The following GRM6 variants were observed in gnomAD, a reference collection of about 807,000 sequenced individuals.
GRM6 encodes glutamate metabotropic receptor 6, also known as metabotropic glutamate receptor 6.
GRM6 carries 73 observed loss-of-function variants against 78.4 expected under a neutral mutation model. The ratio of observed to expected loss-of-function variants is 0.93; its 90% confidence interval spans 0.77 to 1.13. The LOEUF (loss-of-function observed/expected upper bound fraction) is 1.13, where lower values mean the gene tolerates loss of function less well. GRM6 is among the 50% of genes most tolerant of loss of function. The probability of loss-of-function intolerance (pLI) is 0.00; values close to 1 mark genes in which losing one functional copy is unlikely to be tolerated. For missense variants in GRM6, 1,251 were observed against 1,256.4 expected, an observed-to-expected ratio of 1.00 and a Z score of 0.07; for synonymous variants, 580 against 555.0, an observed-to-expected ratio of 1.05 and a Z score of -0.63.
chr5:178,986,515 C>T lies in GRM6; in HGVS notation c.1739G>A (p.Ser580Asn). 4 of 1,608,842 alleles carry T rather than the reference C, an allele frequency of 2.5e-6. No homozygotes were observed. The highest frequency in any genetic ancestry group is 3.4e-6 in the Non-Finnish European group (4 of 1,178,658). ...CGGGGCTGCCCAGGGGGAGGACCAGCTCAGGCGCACCACAGGTGTGGGGCG... is the reference window on the plus strand; with the variant it reads ...CGGGGCTGCCCAGGGGGAGGACCAGTTCAGGCGCACCACAGGTGTGGGGCG... ...GCRPTPVVRLSWSSPWAAPPL... is the reference protein window; with the variant it reads ...GCRPTPVVRLNWSSPWAAPPL... The change falls in exon 9 of 11, where the codon AGC (serine) becomes AAC (asparagine). Residue 580 changes from serine to asparagine, a missense_variant. Transcript: ENST00000517717.
chr5:178,991,294 G>A lies in GRM6; in HGVS notation c.857+130C>T. On this transcript the variant is annotated intron_variant, in intron 4 of 10. Transcript: ENST00000517717. This position sits in a 1 kb window ranked among gnomAD's most constrained non-coding sequence, Gnocchi z 5.0. ...GGCACCAGACTCAGAGGCAGCAGCAGGGAAGGTGGGGGGTGCGGGGAGCAG... is the reference window on the plus strand; with the variant it reads ...GGCACCAGACTCAGAGGCAGCAGCAAGGAAGGTGGGGGGTGCGGGGAGCAG... 1 of 898,352 alleles carries A rather than the reference G, an allele frequency of 1.1e-6. No individual in the cohort carries two copies. Among genetic ancestry groups the A allele is most frequent in the Non-Finnish European group, 1.8e-6 (1 of 554,480 alleles). The allele number at this position is 898,352 out of a possible 1,614,324, so 55.6% of individuals were successfully genotyped here. A position where few individuals can be genotyped will look rare whatever the true frequency, so the allele number is the denominator to read the frequency against.
rs537064364 is a variant in GRM6 at position 178,994,196 on chromosome 5, G to A, written c.504+245C>T. Among the ~76,000 whole-genome samples the A allele has an allele frequency of 2.5e-3, 387 of 152,372 alleles. 1 individual carries two copies. The highest frequency in any genetic ancestry group is 9.0e-3 in the African/African-American group (375 of 41,592). ...CCCCAGCCAACCGGCCAGAGGCGTAGGTGGCACCCGCCCGGGAAGGGGCGC... is the reference window on the plus strand; with the variant it reads ...CCCCAGCCAACCGGCCAGAGGCGTAAGTGGCACCCGCCCGGGAAGGGGCGC... On this transcript the variant is annotated intron_variant, in intron 2 of 10. Coordinates refer to ENST00000517717, the MANE Select transcript of GRM6 (RefSeq NM_000843.4).
rs1485937642 is a variant in GRM6 at position 178,979,578 on chromosome 5, G to A, written c.*2079C>T. The stretch of plus-strand genomic sequence containing the variant: ...TGTGAAAGTCGTCTGCGGGAAGCCA[G>A]GACTCTATGCCAGAAACTTCACACT... On this transcript the variant is annotated 3_prime_UTR_variant, in exon 11 of 11. Transcript: ENST00000517717. 6.6e-6 allele frequency: 1 copy of A among 152,188 alleles called. No homozygotes were observed. Among genetic ancestry groups the A allele is most frequent in the African/African-American group, 2.4e-5 (1 of 41,448 alleles). The allele number at this position is 152,188 out of a possible 1,614,324, so 9.4% of individuals were successfully genotyped here.
rs1554114290 is a variant in GRM6, at chr5:178,992,400, C to CT, written c.505-318_505-317insA. On this transcript the variant is annotated intron_variant, in intron 2 of 10. Coordinates refer to ENST00000517717, the MANE Select transcript of GRM6 (RefSeq NM_000843.4). This position sits in a 1 kb window ranked among gnomAD's most constrained non-coding sequence, Gnocchi z 4.9. ...AAGCTGTGTCCTGAACAAGGACCCC[C>CT]AGCAGAGGGCCTGCAGCCCATCCAG... 2 of 485,742 alleles carry CT rather than the reference C, an allele frequency of 4.1e-6. No homozygotes were observed. Among genetic ancestry groups the CT allele is most frequent in the Non-Finnish European group, 8.1e-6 (2 of 248,010 alleles). 30.1% of individuals were successfully genotyped at this position (485,742 alleles called of 1,614,324 possible).
Position 178,994,695 on chromosome 5 carries a change from CG to C in GRM6, c.249del (p.Glu84SerfsTer27), listed in dbSNP as rs1291641161. ...LYALDRVNAD[P>X]ELLPGVRLGA... Reference sequence around the variant, plus strand: ...CCCAGGCGCACGCCGGGCAGCAGCTCGGGGTCGGCGTTGACGCGGTCCAGCG... The same window carrying C: ...CCCAGGCGCACGCCGGGCAGCAGCTCGGGTCGGCGTTGACGCGGTCCAGCG... On this transcript the variant is annotated frameshift_variant, in exon 2 of 11. Transcript: ENST00000517717. LOFTEE classifies it high-confidence loss of function. The C allele has an allele frequency of 6.8e-7, 1 of 1,469,054 alleles. No individual in the cohort carries two copies. 91.0% of individuals were successfully genotyped at this position (1,469,054 alleles called of 1,614,324 possible). A position where few individuals can be genotyped will look rare whatever the true frequency, so the allele number is the denominator to read the frequency against.
rs763724840 is a variant in GRM6 at position 178,982,915 on chromosome 5, C to T, written c.2431G>A (p.Glu811Lys). The change falls in exon 10 of 11, where the codon GAA becomes AAA. Residue 811 changes from glutamate to lysine, a missense_variant. Coordinates refer to ENST00000517717, the MANE Select transcript of GRM6 (RefSeq NM_000843.4). ...PIFFGTAQSA[E>K]KIYIQTTTLT... ...CCTCCTGGGGACCTCATTACCTTTT[C>T]AGCTGACTGGGCAGTGCCAAAGAAG... 1 of 1,613,202 alleles carries T rather than the reference C, an allele frequency of 6.2e-7. No individual in the cohort carries two copies. The highest frequency in any genetic ancestry group is 8.5e-7 in the Non-Finnish European group (1 of 1,179,146).
At chr5:178,985,441 C>G (rs535796620) in intron 9 of GRM6, among the ~76,000 whole-genome samples, 1 of 151,634 alleles carries the variant, frequency 6.6e-6, no homozygotes, top group Admixed American at 6.6e-5. Context: ...CAGCGGCTCC[C>G]GCCTGTCATC....
In GRM6 at chr5:178,989,097, C is replaced by CAA; in HGVS notation, c.1191_1192insTT (p.Glu398LeufsTer8). On this transcript the variant is annotated frameshift_variant, in exon 7 of 11. Transcript: ENST00000517717. LOFTEE classifies it high-confidence loss of function. ...TCAATCACAAACTGCACCTTGCCCT[C>CAA]CTGCTCGTAGGTGGAGTCCCGGCCG... is the stretch of plus-strand genomic sequence containing the variant. 1 of 1,614,000 alleles carries CAA rather than the reference C, an allele frequency of 6.2e-7. No homozygotes were observed. The highest frequency in any genetic ancestry group is 1.1e-5 in the South Asian group (1 of 91,074).
Position 178,980,806 on chromosome 5 carries a change from G to A in GRM6, c.*851C>T, listed in dbSNP as rs1390493764. On this transcript the variant is annotated 3_prime_UTR_variant, in exon 11 of 11. Coordinates refer to ENST00000517717, the MANE Select transcript of GRM6 (RefSeq NM_000843.4). The surrounding 1 kb of genome is among the most constrained non-coding windows in gnomAD (Gnocchi z 4.3). ...CCACCATCACACCTGGCTAATTTTT[G>A]TATTTTTAGTAGAGACAGGGTTTCA... 1 of 152,204 alleles carries A rather than the reference G, an allele frequency of 6.6e-6. No homozygotes were observed. The highest frequency in any genetic ancestry group is 1.5e-5 in the Non-Finnish European group (1 of 68,082). The allele number at this position is 152,204 out of a possible 1,614,324, so 9.4% of individuals were successfully genotyped here.
In GRM6 at chr5:178,980,233, CTGATCTTA is replaced by C. The variant is rs1188844302; in HGVS notation, c.*1416_*1423del. Reference sequence around the variant, plus strand: ...GACATCACAGACTAGAGAATGTATACTGATCTTAAACAGTGGTCAATTTAACAAATGTA... The same window carrying C: ...GACATCACAGACTAGAGAATGTATACAACAGTGGTCAATTTAACAAATGTA... On this transcript the variant is annotated 3_prime_UTR_variant, in exon 11 of 11. Coordinates refer to ENST00000517717, the MANE Select transcript of GRM6 (RefSeq NM_000843.4). This position sits in a 1 kb window ranked among gnomAD's most constrained non-coding sequence, Gnocchi z 4.3. 1.3e-5 allele frequency: 2 copies of C among 154,118 alleles called. No individual in the cohort carries two copies. Among genetic ancestry groups the C allele is most frequent in the African/African-American group, 4.8e-5 (2 of 41,510 alleles). The allele number at this position is 154,118 out of a possible 1,614,324, so 9.5% of individuals were successfully genotyped here.
At position 178,983,023 on chromosome 5, in the gene GRM6, C is replaced by T. The variant is rs760164627; in HGVS notation, c.2323G>A (p.Val775Met). Residue 775 changes from valine (V) to methionine (M), a missense_variant, in exon 10 of 11, where the codon GTG becomes ATG. By Grantham distance (21) the Val-to-Met change is conservative. Coordinates refer to ENST00000517717, the MANE Select transcript of GRM6 (RefSeq NM_000843.4). ...CTVYAIKARG[V>M]PETFNEAKPI... ...TTGGCCTCGTTGAAGGTCTCGGGCACGCCACGGGCCTTGATGGCGTACACT... is the reference window on the plus strand; with the variant it reads ...TTGGCCTCGTTGAAGGTCTCGGGCATGCCACGGGCCTTGATGGCGTACACT... The T allele has an allele frequency of 5.6e-5, 90 of 1,613,996 alleles. No individual in the cohort carries two copies. Among genetic ancestry groups the T allele is most frequent in the Non-Finnish European group, 6.8e-5 (80 of 1,179,986 alleles).
At chr5:178,995,026 G>T (rs1760748937) in intron 1 of GRM6, 66 bp from the exon 2 acceptor site, 1 of 924,778 alleles carries the variant, frequency 1.1e-6, no homozygotes, top group Non-Finnish European at 1.3e-6. Context: ...GGCTCGGGGC[G>T]CGGGGAGGGA....
chr5:178,986,588 C>T lies in GRM6; in HGVS notation c.1666G>A (p.Glu556Lys), dbSNP rs140015974. 7.5e-6 allele frequency: 12 copies of T among 1,606,030 alleles called. No individual in the cohort carries two copies. The highest frequency in any genetic ancestry group is 3.3e-5 in the South Asian group (3 of 91,090). Residue 556 changes from glutamate to lysine, a missense_variant, in exon 9 of 11, where the codon GAG becomes AAG. Glu to Lys is a moderately conservative substitution (Grantham distance 56). Coordinates refer to ENST00000517717, the MANE Select transcript of GRM6 (RefSeq NM_000843.4). ...GGCCTCATGTCCCCAGGACAGGCCT[C>T]GCATGTGAACTCGTCCACCTGGAAG... is the stretch of plus-strand genomic sequence containing the variant. ...YRFQVDEFTC[E>K]ACPGDMRPTP...
chr5:178,987,383 A>G (rs1216781306), intron 7 of GRM6: 1 of 464,208 alleles, frequency 2.2e-6, no homozygotes. Flanking sequence ...AGCGTTATTC[A>G]CATAGCCACA....
chr5:178,991,621 C>A lies in GRM6; in HGVS notation c.722-62G>T, dbSNP rs760348536. ...ACCCACCCACACACCCACCTGGCCACCGCTGCAGAGGACTGTGTAGGCTGG... is the reference window on the plus strand; with the variant it reads ...ACCCACCCACACACCCACCTGGCCAACGCTGCAGAGGACTGTGTAGGCTGG... On this transcript the variant is annotated intron_variant, in intron 3 of 10. Coordinates refer to ENST00000517717, the MANE Select transcript of GRM6 (RefSeq NM_000843.4). The surrounding 1 kb of genome is among the most constrained non-coding windows in gnomAD (Gnocchi z 5.0). 8.9e-6 allele frequency: 14 copies of A among 1,578,420 alleles called. No homozygotes were observed. The Admixed American group carries it at 1.0e-4, about 11-fold the overall frequency.
intron 4 of GRM6, 119 bp from the exon 5 acceptor site, chr5:178,990,865 T>G (rs1398800895): frequency 1.1e-6 from 1 of 921,752 alleles, no homozygotes; most frequent in African/African-American, 1.7e-5. Context: ...TCCTTGTTTC[T>G]CAGGAAAAAC....
At chr5:178,983,452 G>A (rs759776713) in intron 9 of GRM6, 10 of 694,030 alleles carry the variant, frequency 1.4e-5, no homozygotes, top group South Asian at 7.5e-5. Flanking sequence ...TGGCAGCTGC[G>A]GAGAAGGGCT....
chr5:178,981,565 G>T lies in GRM6; in HGVS notation c.*92C>A. The T allele has an allele frequency of 2.0e-6, 2 of 998,612 alleles. No homozygotes were observed. Among genetic ancestry groups the T allele is most frequent in the Admixed American group, 2.0e-5 (1 of 50,290 alleles). 61.9% of individuals were successfully genotyped at this position (998,612 alleles called of 1,614,324 possible). On this transcript the variant is annotated 3_prime_UTR_variant, in exon 11 of 11. Transcript: ENST00000517717. This position sits in a 1 kb window ranked among gnomAD's most constrained non-coding sequence, Gnocchi z 5.1. ...CTTGGCAAACTCCCTGCCACTGACT[G>T]TTCACCGTGGACCCGGGCTCTATAC... is the stretch of plus-strand genomic sequence containing the variant.
Position 178,990,630 on chromosome 5 carries a change from C to T in GRM6, c.974G>A (p.Gly325Glu). ...PILSLEDVAV[G>E]AITILPKRAS... The stretch of plus-strand genomic sequence containing the variant: ...CCTTTTGGGCAGGATGGTGATGGCC[C>T]CAACGGCCACGTCCTCCAGGCTCAA... The change falls in exon 5 of 11, where the codon GGG becomes GAG. Residue 325 changes from glycine to glutamate, a missense_variant. Transcript: ENST00000517717. The T allele has an allele frequency of 6.2e-7, 1 of 1,612,856 alleles. No individual in the cohort carries two copies. The highest frequency in any genetic ancestry group is 8.5e-7 in the Non-Finnish European group (1 of 1,179,752).
Sources: gnomAD v4.1 joint callset for allele counts (sites outside exome capture counted in the v4.1 genomes callset) on GRCh38, gnomAD v4.1.1 for gene constraint, Gnocchi (gnomAD v3.1) non-coding constraint, MANE v1.5 for transcripts, NCBI Gene and HGNC (gene_info 2026-07-23, HGNC 2026-07-21) for gene names.